The following CACNA1C variants were observed in gnomAD, a reference collection of about 807,000 sequenced individuals.
The protein encoded by CACNA1C is calcium voltage-gated channel subunit alpha1 C.
CACNA1C carries 30 observed loss-of-function variants against 229.0 expected under a neutral mutation model. That is an observed-to-expected ratio of 0.13 (90% CI 0.10 to 0.18). The LOEUF (loss-of-function observed/expected upper bound fraction) is 0.18, where lower values mean the gene tolerates loss of function less well. CACNA1C is among the 10% of genes least tolerant of loss of function. The pLI is 1.00. For missense variants in CACNA1C, 1,658 were observed against 2,845.0 expected (o/e 0.58, Z 9.49); for synonymous variants, 1,114 against 1,132.5 (o/e 0.98, Z 0.33).
intron 1 of CACNA1C, among the ~76,000 whole-genome samples, chr12:2,005,777 A>G (rs754141348): frequency 2.0e-5 from 3 of 152,274 alleles, no homozygotes; most frequent in Non-Finnish European, 4.4e-5. Flanking sequence ...CAAAAGATCC[A>G]TTCAAGGACA....
At chr12:2,217,199 G>A (rs1229871925) in intron 3 of CACNA1C, among the ~76,000 whole-genome samples, 4 of 152,206 alleles carry the variant, frequency 2.6e-5, no homozygotes, top group Admixed American at 2.0e-4. Flanking sequence ...GAGGTACCCA[G>A]AATAGACAAA....
intron 7 of CACNA1C, among the ~76,000 whole-genome samples, chr12:2,500,128 CTCCTGCT>C (rs2099755914): frequency 6.6e-6 from 1 of 151,884 alleles, no homozygotes; most frequent in South Asian, 2.2e-4. Flanking sequence ...CTCATCTGTC[CTCCTGCT>C]TCCTGCCCTC....
chr12:2,341,502 C>T (rs1168482189), intron 3 of CACNA1C, among the ~76,000 whole-genome samples: 2 of 152,236 alleles, frequency 1.3e-5, no homozygotes, highest in East Asian at 1.9e-4. Flanking sequence ...CAGTGCTGTG[C>T]GGGCCCTGCG....
intron 1 of CACNA1C, among the ~76,000 whole-genome samples, chr12:2,007,204 C>T (rs113890373): frequency 7.9e-5 from 12 of 152,184 alleles, no homozygotes; most frequent in South Asian, 2.1e-4. Flanking sequence ...GCATTTCCCT[C>T]GTACATATAA....
chr12:2,697,702 T>C lies in CACNA1C; in HGVS notation c.*6503T>C, dbSNP rs2097852161. The C allele has an allele frequency of 6.6e-6, 1 of 152,180 alleles. No homozygotes were observed. The allele number at this position is 152,180 out of a possible 1,614,324, so 9.4% of individuals were successfully genotyped here. A position where few individuals can be genotyped will look rare whatever the true frequency, so the allele number is the denominator to read the frequency against. ...ACAGTCTTACTGTTGTAAATATCATTGTACAGTTTGTAATCCTCAAATAAT... is the reference window on the plus strand; with the variant it reads ...ACAGTCTTACTGTTGTAAATATCATCGTACAGTTTGTAATCCTCAAATAAT... On this transcript the variant is annotated 3_prime_UTR_variant, in exon 47 of 47. Transcript: ENST00000399655.
At chr12:2,036,899 C>T (rs1331377583) in intron 1 of CACNA1C, among the ~76,000 whole-genome samples, 1 of 152,152 alleles carries the variant, frequency 6.6e-6, no homozygotes, top group Non-Finnish European at 1.5e-5. Flanking sequence ...GAGGGGTTAG[C>T]ACAGGAGGAT....
chr12:2,371,724 C>CTTTTTTT lies in CACNA1C; in HGVS notation c.478-77236_478-77230dup, dbSNP rs61627008. On this transcript the variant is annotated intron_variant, in intron 3 of 46. Coordinates refer to ENST00000399655, the MANE Select transcript of CACNA1C (RefSeq NM_000719.7). ...CAAGCACATACTAAATGACATATGGCTTTTTTTTTTTTTTTTTTTTTTAAT... is the reference window on the plus strand; with the variant it reads ...CAAGCACATACTAAATGACATATGGCTTTTTTTTTTTTTTTTTTTTTTTTTTTTTAAT... Among the ~76,000 whole-genome samples the CTTTTTTT allele has an allele frequency of 1.6e-5, 2 of 129,016 alleles. 1 individual carries two copies. 84.6% of individuals were successfully genotyped at this position (129,016 alleles called of 152,430 possible).
At chr12:2,353,741 G>A (rs114043117) in intron 3 of CACNA1C, among the ~76,000 whole-genome samples, 2 of 152,194 alleles carry the variant, frequency 1.3e-5, no homozygotes, top group Non-Finnish European at 1.5e-5. Flanking sequence ...AGGCTGTCTG[G>A]GGGTGGGAGA....
rs1175417421 is a variant in CACNA1C, at chr12:2,585,428, G to A, written c.2392G>A (p.Glu798Lys). 2.5e-6 allele frequency: 4 copies of A among 1,608,564 alleles called. No individual in the cohort carries two copies. Among genetic ancestry groups the A allele is most frequent in the Non-Finnish European group, 3.4e-6 (4 of 1,177,254 alleles). ...QELVEKPAVGESKEEKIELKS... is the reference protein window; with the variant it reads ...QELVEKPAVGKSKEEKIELKS... ...GTTGGTGGAGAAGCCGGCAGTGGGG[G>A]AATCCAAGGAGGAGAAGATTGAGCT... Residue 798 changes from glutamate (E) to lysine (K), a missense_variant, in exon 17 of 47, where the codon GAA becomes AAA. Around this residue, in one of 20 missense-constraint regions of CACNA1C, gnomAD observed 121 missense variants for 128.8 expected, o/e 0.94. Coordinates refer to ENST00000399655, the MANE Select transcript of CACNA1C (RefSeq NM_000719.7). The surrounding 1 kb of genome is among the most constrained non-coding windows in gnomAD (Gnocchi z 4.1).
chr12:2,502,350 A>G (rs2099762455), intron 7 of CACNA1C, among the ~76,000 whole-genome samples: 2 of 152,252 alleles, frequency 1.3e-5, no homozygotes, highest in Admixed American at 1.3e-4. Flanking sequence ...GCAGGCCAGA[A>G]CCAACTGTCC....
intron 3 of CACNA1C, among the ~76,000 whole-genome samples, chr12:2,378,718 A>C (rs73607727): frequency 0.013 from 2,023 of 152,210 alleles, 49 homozygotes; most frequent in African/African-American, 0.043. Context: ...ACAGGCTACT[A>C]AATCTTCATT....
intron 3 of CACNA1C, among the ~76,000 whole-genome samples, chr12:2,171,304 G>A (rs980446516): frequency 2.0e-5 from 3 of 152,042 alleles, no homozygotes; most frequent in African/African-American, 7.3e-5. Flanking sequence ...ACCTTTGTTC[G>A]CCTGAGTCCC....
At chr12:2,374,046 A>T (rs2097949337) in intron 3 of CACNA1C, among the ~76,000 whole-genome samples, 1 of 152,222 alleles carries the variant, frequency 6.6e-6, no homozygotes, top group Non-Finnish European at 1.5e-5. Flanking sequence ...CCTGGCCCAC[A>T]TCACAACTCC....
chr12:2,531,922 G>A (rs941292036), intron 9 of CACNA1C, among the ~76,000 whole-genome samples: 2 of 152,236 alleles, frequency 1.3e-5, no homozygotes, highest in Middle Eastern at 3.4e-3. Flanking sequence ...CACTCTCCGT[G>A]TAGGAACTTA....
chr12:2,453,574 G>A (rs1156586615), intron 4 of CACNA1C, among the ~76,000 whole-genome samples: 2 of 152,048 alleles, frequency 1.3e-5, no homozygotes, highest in Non-Finnish European at 1.5e-5. Context: ...TGGTTGCCAC[G>A]AAAAGCCCAA....
chr12:2,371,345 G>A (rs2097858767), intron 3 of CACNA1C, among the ~76,000 whole-genome samples: 1 of 152,222 alleles, frequency 6.6e-6, no homozygotes, highest in Non-Finnish European at 1.5e-5. Context: ...TAGGATTTCT[G>A]CAGTCCCATC....
At chr12:2,641,907 G>C in intron 30 of CACNA1C, 2 of 644,640 alleles carry the variant, frequency 3.1e-6, no homozygotes, top group Non-Finnish European at 5.6e-6. Context: ...TCCTAGAAGT[G>C]GGATGAAGCA....
intron 3 of CACNA1C, among the ~76,000 whole-genome samples, chr12:2,243,724 T>C (rs550342410): frequency 1.2e-4 from 19 of 152,348 alleles, no homozygotes; most frequent in African/African-American, 3.6e-4. Context: ...AAGTGCAATG[T>C]GTAGTCCAGT....
In CACNA1C at chr12:2,493,141, C is replaced by T. The variant is rs56412831; in HGVS notation, c.917-49C>T. The T allele has an allele frequency of 2.6e-6, 4 of 1,514,572 alleles. No individual in the cohort carries two copies. Among genetic ancestry groups the T allele is most frequent in the African/African-American group, 1.4e-5 (1 of 72,970 alleles). The allele number at this position is 1,514,572 out of a possible 1,614,324, so 93.8% of individuals were successfully genotyped here. A position where few individuals can be genotyped will look rare whatever the true frequency, so the allele number is the denominator to read the frequency against. Reference sequence around the variant, plus strand: ...CTCTGACTTCTTTCTCTGCCCACATCTCTCCCTCCCTGCTGCTCCCGTCTC... The same window carrying T: ...CTCTGACTTCTTTCTCTGCCCACATTTCTCCCTCCCTGCTGCTCCCGTCTC... On this transcript the variant is annotated intron_variant, in intron 6 of 46. Coordinates refer to ENST00000399655, the MANE Select transcript of CACNA1C (RefSeq NM_000719.7). This position sits in a 1 kb window ranked among gnomAD's most constrained non-coding sequence, Gnocchi z 4.6.
Sources: allele counts gnomAD v4.1 joint callset (sites outside exome capture counted in the v4.1 genomes callset), GRCh38; gene constraint gnomAD v4.1.1; regional missense constraint gnomAD v4.1.1; non-coding constraint Gnocchi (gnomAD v3.1); transcripts MANE v1.5; gene names NCBI Gene and HGNC (gene_info 2026-07-23, HGNC 2026-07-21).